The following PAMR1 variants were observed in gnomAD, a reference collection of about 807,000 sequenced individuals.
The protein encoded by PAMR1 is inactive serine protease PAMR1.
A neutral mutation model predicts 81.8 loss-of-function variants in PAMR1; 88 were observed. That is an observed-to-expected ratio of 1.08 (90% confidence interval 0.91 to 1.28). The LOEUF (loss-of-function observed/expected upper bound fraction) is 1.28, where lower values mean the gene tolerates loss of function less well. Among genes scored for constraint, PAMR1 ranks in the 50% most tolerant of loss-of-function variants. The probability of loss-of-function intolerance (pLI) is 0.00; values close to 1 mark genes in which losing one functional copy is unlikely to be tolerated. For missense variants in PAMR1, 935 were observed against 919.7 expected (o/e 1.02, Z -0.21); for synonymous variants, 336 against 345.3 (o/e 0.97, Z 0.30).
chr11:35,528,397 T>C (rs746021142), upstream of PAMR1, among the ~76,000 whole-genome samples: 1 of 152,180 alleles, frequency 6.6e-6, no homozygotes, highest in Non-Finnish European at 1.5e-5. Flanking sequence ...CCCATTTATT[T>C]ATCTTCCCAT....
At chr11:35,439,382 G>A (rs544907578) in intron 8 of PAMR1, among the ~76,000 whole-genome samples, 2 of 152,244 alleles carry the variant, frequency 1.3e-5, no homozygotes, top group African/African-American at 2.4e-5. Context: ...GCTTTCCACC[G>A]GTCATCTACT....
At chr11:35,485,852 A>C (rs1850490385) in intron 3 of PAMR1, among the ~76,000 whole-genome samples, 2 of 152,184 alleles carry the variant, frequency 1.3e-5, no homozygotes, top group Non-Finnish European at 2.9e-5. Flanking sequence ...CGCCTTCAGG[A>C]TAACGTTGTC....
chr11:35,469,023 C>T (rs546176703), intron 5 of PAMR1, among the ~76,000 whole-genome samples: 1 of 152,104 alleles, frequency 6.6e-6, no homozygotes, highest in East Asian at 1.9e-4. Context: ...ACGACTATGA[C>T]TTGAAGCATA....
At chr11:35,501,133 CTTT>C (rs34831742) in intron 1 of PAMR1, among the ~76,000 whole-genome samples, 53,692 of 134,990 alleles carry the variant, frequency 0.4, 9,203 homozygotes, top group East Asian at 0.63. Context: ...CTTTTTTTTT[CTTT>C]TTTTTTTTTT....
chr11:35,479,386 C>A (rs947915525), intron 3 of PAMR1, among the ~76,000 whole-genome samples: 2 of 152,188 alleles, frequency 1.3e-5, no homozygotes, highest in African/African-American at 4.8e-5. Flanking sequence ...TTTGTACCTG[C>A]AACAATGTGT....
intron 6 of PAMR1, among the ~76,000 whole-genome samples, chr11:35,459,274 G>A (rs547417230): frequency 1.3e-5 from 2 of 152,326 alleles, no homozygotes; most frequent in South Asian, 2.1e-4. Flanking sequence ...GTGCCTAAGA[G>A]ACAGGTCAAC....
chr11:35,446,057 C>A (rs554523553), intron 6 of PAMR1, among the ~76,000 whole-genome samples: 2 of 152,016 alleles, frequency 1.3e-5, no homozygotes, highest in Non-Finnish European at 2.9e-5. Context: ...TGGTTCAGTC[C>A]TGGGAGGGTG....
At chr11:35,512,459 C>A (rs1030308262) in intron 1 of PAMR1, among the ~76,000 whole-genome samples, 7 of 152,306 alleles carry the variant, frequency 4.6e-5, no homozygotes, top group Non-Finnish European at 8.8e-5. Context: ...AAGCCTTGCT[C>A]TTTCCAACAC....
chr11:35,455,407 T>C (rs1172609302), intron 6 of PAMR1, among the ~76,000 whole-genome samples: 1 of 152,208 alleles, frequency 6.6e-6, no homozygotes, highest in African/African-American at 2.4e-5. Flanking sequence ...ACACAAAACT[T>C]AGGAGTAGAT....
intron 10 of PAMR1, among the ~76,000 whole-genome samples, chr11:35,433,717 TAGATGGAG>T (rs1179104882): frequency 1.4e-5 from 2 of 145,164 alleles, no homozygotes; most frequent in African/African-American, 5.2e-5. Context: ...GGTAGGTGGA[TAGATGGAG>T]AGATGGATGG....
chr11:35,522,143 C>T (rs1032005304), intron 1 of PAMR1, among the ~76,000 whole-genome samples: 1 of 152,068 alleles, frequency 6.6e-6, no homozygotes, highest in African/African-American at 2.4e-5. Context: ...AGGATGGCCT[C>T]GATCTCCTGA....
chr11:35,492,053 T>C lies in PAMR1; in HGVS notation c.371A>G (p.Asp124Gly). 2.5e-6 allele frequency: 4 copies of C among 1,611,906 alleles called. No homozygotes were observed. Among genetic ancestry groups the C allele is most frequent in the Non-Finnish European group, 3.4e-6 (4 of 1,178,950 alleles). ...AECRAGWYGG[D>G]CMRCGQVLRA... ...GGTCAAGGTCTACTTACGCATGCAG[T>C]CTCCTCCGTACCAGCCTGCTCGGCA... The change falls in exon 3 of 11, where the codon GAC (aspartate) becomes GGC (glycine). Residue 124 changes from aspartate (D) to glycine (G), a missense_variant. By Grantham distance (94) the Asp-to-Gly change is moderately conservative. Coordinates refer to ENST00000619888, the MANE Select transcript of PAMR1 (RefSeq NM_001001991.3).
At chr11:35,503,992 T>C (rs1850903208) in intron 1 of PAMR1, among the ~76,000 whole-genome samples, 1 of 152,154 alleles carries the variant, frequency 6.6e-6, no homozygotes, top group South Asian at 2.1e-4. Flanking sequence ...CCATTAAATA[T>C]GATATTGGCT....
At position 35,434,719 on chromosome 11, in the gene PAMR1, G is replaced by C. The variant is rs111324432; in HGVS notation, c.1419C>G (p.Ser473Arg). Residue 473 changes from serine (S) to arginine (R), a missense_variant, in exon 10 of 11, where the codon AGC (serine) becomes AGG (arginine). Physicochemically the swap from Ser to Arg is moderately radical, Grantham distance 110 (BLOSUM62 -1). Coordinates refer to ENST00000619888, the MANE Select transcript of PAMR1 (RefSeq NM_001001991.3). ...PWQAAIYRRT[S>R]GVHDGSLHKG... ...TGTGTAGGCTGCCGTCATGCACCCCGCTGGTCCTCCTGTAGATGGCTGCCT... is the reference window on the plus strand; with the variant it reads ...TGTGTAGGCTGCCGTCATGCACCCCCCTGGTCCTCCTGTAGATGGCTGCCT... 8.1e-6 allele frequency: 13 copies of C among 1,614,120 alleles called. No individual in the cohort carries two copies. In the South Asian group the frequency reaches 1.2e-4, roughly 15 times the overall value.
intron 1 of PAMR1, among the ~76,000 whole-genome samples, chr11:35,520,864 T>C (rs1851257703): frequency 6.6e-6 from 1 of 152,204 alleles, no homozygotes; most frequent in Non-Finnish European, 1.5e-5. Context: ...CAGATGGAAA[T>C]AATTTTCAGA....
rs181607532 is a variant in PAMR1, at chr11:35,435,063, G to C, written c.1334-259C>G. ...GCACTTACTATCAATAGAACTTTGG[G>C]CAAGTTGTCTAATCTTTTAGAGCCT... On this transcript the variant is annotated intron_variant, in intron 9 of 10. Coordinates refer to ENST00000619888, the MANE Select transcript of PAMR1 (RefSeq NM_001001991.3). 2.0e-4 allele frequency among the ~76,000 whole-genome samples: 30 copies of C among 152,244 alleles called. 1 individual carries two copies. Among genetic ancestry groups the C allele is most frequent in the African/African-American group, 7.2e-4 (30 of 41,552 alleles).
At position 35,505,581 on chromosome 11, in the gene PAMR1, GA is replaced by G. The variant is rs1275776161; in HGVS notation, c.74-11310del. On this transcript the variant is annotated intron_variant, in intron 1 of 10. Coordinates refer to ENST00000619888, the MANE Select transcript of PAMR1 (RefSeq NM_001001991.3). ...TTTATAATTGTTATATCCTCTTGCT[GA>G]ATTGACTTCTTCATATTATATAGTG... 6.6e-5 allele frequency among the ~76,000 whole-genome samples: 10 copies of G among 152,180 alleles called. 1 individual carries two copies. In the South Asian group the frequency reaches 2.1e-3, roughly 32 times the overall value.
At chr11:35,436,560 C>T (rs1040155322) in intron 8 of PAMR1, among the ~76,000 whole-genome samples, 2 of 152,092 alleles carry the variant, frequency 1.3e-5, no homozygotes, top group African/African-American at 4.8e-5. Context: ...GCTGGGATTA[C>T]AGGTGTGAGC....
intron 1 of PAMR1, among the ~76,000 whole-genome samples, chr11:35,512,553 G>A (rs1455855167): frequency 6.6e-6 from 1 of 152,202 alleles, no homozygotes; most frequent in African/African-American, 2.4e-5. Context: ...ATCCAGAAAT[G>A]AGGCTGCCCA....
Sources: allele counts gnomAD v4.1 joint callset (sites outside exome capture counted in the v4.1 genomes callset), GRCh38; gene constraint gnomAD v4.1.1; transcripts MANE v1.5; gene names NCBI Gene and HGNC (gene_info 2026-07-23, HGNC 2026-07-21).